The following METTL15 variants were observed in gnomAD, a reference collection of about 807,000 sequenced individuals.
METTL15 encodes 12S rRNA N(4)-cytidine methyltransferase METTL15.
METTL15 carries 34 observed loss-of-function variants against 38.3 expected under a neutral mutation model. That is an observed-to-expected ratio of 0.89 (90% CI 0.68 to 1.18). The LOEUF is 1.18. METTL15 is among the 50% of genes most tolerant of loss of function. The pLI is 0.00. For missense variants in METTL15, 438 were observed against 498.4 expected (o/e 0.88, Z 1.15); for synonymous variants, 162 against 170.9 (o/e 0.95, Z 0.41).
chr11:28,157,705 C>T (rs142715880), intron 3 of METTL15, among the ~76,000 whole-genome samples: 4 of 152,078 alleles, frequency 2.6e-5, no homozygotes, highest in East Asian at 1.9e-4. Context: ...TCTACGTGAT[C>T]GGGCTCGAGC....
At chr11:28,398,049 T>A (rs1335681261) in intron 5 of METTL15, among the ~76,000 whole-genome samples, 9 of 151,156 alleles carry the variant, frequency 6.0e-5, no homozygotes, top group Non-Finnish European at 8.8e-5. Flanking sequence ...TGAGAACACT[T>A]GGACCAGGAA....
At position 28,136,085 on chromosome 11, in the gene METTL15, G is replaced by C. The variant is rs569694967; in HGVS notation, c.270+22481G>C. Among the ~76,000 whole-genome samples, 31 of 152,262 alleles carry C rather than the reference G, an allele frequency of 2.0e-4. No homozygotes were observed. In the South Asian group the frequency reaches 3.7e-3, roughly 18 times the overall value. On this transcript the variant is annotated intron_variant, in intron 3 of 6. Transcript: ENST00000407364. ...TGATTATAAGCCATCTTTTGAAAAGGATCAAAGCTAGACAACAATTGTCTG... is the reference window on the plus strand; with the variant it reads ...TGATTATAAGCCATCTTTTGAAAAGCATCAAAGCTAGACAACAATTGTCTG...
At chr11:28,200,467 C>T (rs961797971) in intron 3 of METTL15, among the ~76,000 whole-genome samples, 2 of 152,004 alleles carry the variant, frequency 1.3e-5, no homozygotes, top group African/African-American at 2.4e-5. Flanking sequence ...CATACATAGT[C>T]GTTATTATTA....
intron 5 of METTL15, among the ~76,000 whole-genome samples, chr11:28,386,726 T>C (rs1850444992): frequency 6.6e-6 from 1 of 152,004 alleles, no homozygotes. Context: ...AACAGACACA[T>C]ATATAACACT....
At chr11:28,488,308 A>T (rs1851454146) in intron 6 of METTL15, among the ~76,000 whole-genome samples, 1 of 152,164 alleles carries the variant, frequency 6.6e-6, no homozygotes, top group Non-Finnish European at 1.5e-5. Context: ...AAACCAAGGA[A>T]TAACAAATTC....
chr11:28,526,101 C>T (rs1314712446), intron 6 of METTL15, among the ~76,000 whole-genome samples: 1 of 152,226 alleles, frequency 6.6e-6, no homozygotes, highest in Non-Finnish European at 1.5e-5. Flanking sequence ...CAAGCCCATG[C>T]CCATCTGGAG....
At chr11:28,360,102 C>T (rs1189243507) in intron 4 of METTL15, among the ~76,000 whole-genome samples, 2 of 152,132 alleles carry the variant, frequency 1.3e-5, no homozygotes, top group African/African-American at 4.8e-5. Context: ...AAGAGAGTAA[C>T]TAAACCACAT....
At chr11:28,382,586 C>CA (rs1196350341) in intron 5 of METTL15, among the ~76,000 whole-genome samples, 1 of 152,026 alleles carries the variant, frequency 6.6e-6, no homozygotes, top group East Asian at 1.9e-4. Context: ...GTAATCCCAG[C>CA]ACTTTGGGAA....
At chr11:28,434,790 G>A (rs1322948704) in intron 6 of METTL15, among the ~76,000 whole-genome samples, 1 of 152,194 alleles carries the variant, frequency 6.6e-6, no homozygotes, top group Non-Finnish European at 1.5e-5. Context: ...GCAGTCAGCT[G>A]GCAAGTTGAC....
At chr11:28,211,038 A>G (rs2133840212) in intron 3 of METTL15, 24 bp from the exon 4 acceptor site, 1 of 1,592,100 alleles carries the variant, frequency 6.3e-7, no homozygotes, top group Non-Finnish European at 8.5e-7. Flanking sequence ...CTAAGTTGTA[A>G]TTTTCTTTTT....
At chr11:28,313,684 T>A (rs910909726) in intron 6 of METTL15, among the ~76,000 whole-genome samples, 1 of 152,042 alleles carries the variant, frequency 6.6e-6, no homozygotes, top group Admixed American at 6.6e-5. Context: ...TGGATTTTTT[T>A]ACTTACTATT....
chr11:28,508,219 G>GT (rs1564951351), intron 6 of METTL15, among the ~76,000 whole-genome samples: 1 of 151,786 alleles, frequency 6.6e-6, no homozygotes, highest in Non-Finnish European at 1.5e-5. Flanking sequence ...CACATGGAAT[G>GT]TTTTTTGGTC....
intron 4 of METTL15, among the ~76,000 whole-genome samples, chr11:28,264,180 G>T (rs1855319876): frequency 6.6e-6 from 1 of 152,132 alleles, no homozygotes; most frequent in Middle Eastern, 3.4e-3. Flanking sequence ...AAAGCATTTC[G>T]TTTGTCTTAA....
chr11:28,207,275 T>TA (rs1358858610), intron 3 of METTL15, among the ~76,000 whole-genome samples: 7 of 152,034 alleles, frequency 4.6e-5, no homozygotes, highest in Non-Finnish European at 8.8e-5. Context: ...TATTTTGAGA[T>TA]ACGTCCCATC....
intron 6 of METTL15, among the ~76,000 whole-genome samples, chr11:28,320,984 A>C (rs1849447101): frequency 6.6e-6 from 1 of 152,178 alleles, no homozygotes. Flanking sequence ...CTTTTAGTCC[A>C]ATACCTAACT....
At chr11:28,245,598 A>AAGTGTC (rs1432285225) in intron 4 of METTL15, among the ~76,000 whole-genome samples, 1 of 152,194 alleles carries the variant, frequency 6.6e-6, no homozygotes, top group East Asian at 1.9e-4. Flanking sequence ...ACAGGCATAT[A>AAGTGTC]TATACCTTTG....
At chr11:28,221,926 AGGGGTACCT>A (rs754117083) in intron 4 of METTL15, among the ~76,000 whole-genome samples, 52 of 152,206 alleles carry the variant, frequency 3.4e-4, no homozygotes, top group Non-Finnish European at 6.9e-4. Flanking sequence ...TTTGTCTCAG[AGGGGTACCT>A]GGCCGTGTGA....
chr11:28,224,576 T>G (rs1224591346), intron 4 of METTL15, among the ~76,000 whole-genome samples: 1 of 151,916 alleles, frequency 6.6e-6, no homozygotes, highest in Non-Finnish European at 1.5e-5. Context: ...TATATTTTCC[T>G]AAGTGGATTC....
At position 28,296,748 on chromosome 11, in the gene METTL15, C is replaced by T. The variant is rs201065517; in HGVS notation, c.600-5C>T. 2.1e-4 allele frequency: 340 copies of T among 1,612,470 alleles called. 3 individuals carry two copies. In the East Asian group the frequency reaches 7.4e-3, roughly 35 times the overall value. On this transcript the variant is annotated splice_polypyrimidine_tract_variant and splice_region_variant and intron_variant, in intron 5 of 6. Transcript: ENST00000407364. Reference sequence around the variant, plus strand: ...AGTGAACTAATTGGCTCTTCTTGTGCGTAGGTACCCTGACATGCCCACTGC... The same window carrying T: ...AGTGAACTAATTGGCTCTTCTTGTGTGTAGGTACCCTGACATGCCCACTGC...
Sources: allele counts gnomAD v4.1 joint callset (sites outside exome capture counted in the v4.1 genomes callset), GRCh38; gene constraint gnomAD v4.1.1; transcripts MANE v1.5; gene names NCBI Gene and HGNC (gene_info 2026-07-23, HGNC 2026-07-21).